DHRS4L2: variants seen among roughly 807,000 people sequenced by gnomAD.
DHRS4L2 encodes dehydrogenase/reductase 4 like 2.
Under a neutral mutation model 23.9 loss-of-function variants are expected in DHRS4L2, and 22 were observed. The ratio of observed to expected loss-of-function variants is 0.92; its 90% CI spans 0.66 to 1.31. The LOEUF (loss-of-function observed/expected upper bound fraction) is 1.31, where lower values mean the gene tolerates loss of function less well. Ranked by LOEUF, DHRS4L2 falls within the 40% of genes most tolerant of loss-of-function variation. DHRS4L2 has a pLI of 0.00. For synonymous variants in DHRS4L2, 141 were observed against 123.7 expected (o/e 1.14, Z -0.93); for missense variants, 385 against 303.3 (o/e 1.27, Z -2.00).
At chr14:24,004,599 G>A (rs75763182) in intron 7 of DHRS4L2, 48,854 of 839,894 alleles carry the variant, frequency 0.058, 3,452 homozygotes, top group Middle Eastern at 0.098. Context: ...CAGAGACATC[G>A]GGGTTTCAGC....
chr14:23,977,632 C>T lies in DHRS4L2; in HGVS notation c.-176+7300C>T, dbSNP rs762549123. Among the ~76,000 whole-genome samples the T allele has an allele frequency of 1.1e-4, 16 of 151,790 alleles. No individual in the cohort carries two copies. In the East Asian group the frequency reaches 1.5e-3, roughly 15 times the overall value. ...CTTGAGACGTGACTGTGATCTGAGTCGTATGTGGTTATAACTTCTGTTCTC... is the reference window on the plus strand; with the variant it reads ...CTTGAGACGTGACTGTGATCTGAGTTGTATGTGGTTATAACTTCTGTTCTC... On this transcript the variant is annotated intron_variant, in intron 1 of 5. Transcript: ENST00000534993.
Position 24,004,333 on chromosome 14 carries a change from A to G in DHRS4L2, c.666-4A>G, listed in dbSNP as rs190071680. The stretch of plus-strand genomic sequence containing the variant: ...ACATAAAGAGATTTCCCTTCTTCCT[A>G]CAGCTCTGGATGGACAAGGAAAAAG... On this transcript the variant is annotated splice_polypyrimidine_tract_variant and splice_region_variant and intron_variant, in intron 6 of 7. Coordinates refer to ENST00000335125, the MANE Select transcript of DHRS4L2 (RefSeq NM_198083.4). The G allele has an allele frequency of 4.2e-4, 664 of 1,598,622 alleles. 25 individuals carry two copies. In the South Asian group the frequency reaches 5.0e-3, roughly 12 times the overall value.
chr14:23,991,230 G>A (rs184430000), intron 2 of DHRS4L2, among the ~76,000 whole-genome samples: 1 of 151,742 alleles, frequency 6.6e-6, no homozygotes, highest in Admixed American at 6.6e-5. Context: ...ACAGAATAGG[G>A]TAATTCCATT....
At chr14:23,972,603 G>A (rs567558970) in intron 1 of DHRS4L2, among the ~76,000 whole-genome samples, 6 of 152,026 alleles carry the variant, frequency 3.9e-5, no homozygotes, top group South Asian at 2.1e-4. Context: ...ACACCTGTGG[G>A]TATTTCTAGT....
intron 1 of DHRS4L2, 22 bp from the exon 2 acceptor site, chr14:23,990,160 C>CTCTTT (rs1319825929): frequency 6.2e-7 from 1 of 1,612,112 alleles, no homozygotes; most frequent in East Asian, 2.2e-5. Context: ...CCTTAGCAGT[C>CTCTTT]TTTGTCTCTT....
intron 1 of DHRS4L2, among the ~76,000 whole-genome samples, chr14:23,981,667 A>C (rs1395534783): frequency 3.3e-5 from 5 of 151,722 alleles, no homozygotes; most frequent in East Asian, 3.9e-4. Context: ...TTCCCTCAGC[A>C]TTTATTAATT....
rs1175367581 is a variant in DHRS4L2, at chr14:24,006,164, C to G, written c.*301C>G. On this transcript the variant is annotated 3_prime_UTR_variant, in exon 8 of 8. Transcript: ENST00000335125. ...GCCTTCCCTGCCGTCAAGGTGGCGT[C>G]TTACTCGGGATTCCTGCTGTTGTTG... 1 of 1,337,074 alleles carries G rather than the reference C, an allele frequency of 7.5e-7. No homozygotes were observed. The highest frequency in any genetic ancestry group is 1.5e-5 in the African/African-American group (1 of 66,272). The allele number at this position is 1,337,074 out of a possible 1,614,324, so 82.8% of individuals were successfully genotyped here. A position where few individuals can be genotyped will look rare whatever the true frequency, so the allele number is the denominator to read the frequency against.
At chr14:23,995,165 G>C (rs61999854) in intron 3 of DHRS4L2, 32 bp downstream of exon 3, 1 of 1,606,278 alleles carries the variant, frequency 6.2e-7, no homozygotes, top group South Asian at 1.1e-5. Context: ...GCGGAAGGGG[G>C]CCTCGGGACA....
At chr14:23,997,959 C>T (rs2034414984) in intron 3 of DHRS4L2, among the ~76,000 whole-genome samples, 1 of 151,768 alleles carries the variant, frequency 6.6e-6, no homozygotes, top group East Asian at 1.9e-4. Context: ...CAGCTATAGC[C>T]TTACAAAATG....
At chr14:24,000,289 T>C (rs1486250656) in intron 3 of DHRS4L2, among the ~76,000 whole-genome samples, 1 of 149,582 alleles carries the variant, frequency 6.7e-6, no homozygotes, top group Non-Finnish European at 1.5e-5. Context: ...TTGTTTTAGA[T>C]TATGGATGTG....
intron 2 of DHRS4L2, among the ~76,000 whole-genome samples, chr14:23,991,695 A>C (rs55710556): frequency 0.022 from 3,372 of 151,356 alleles, 109 homozygotes; most frequent in Middle Eastern, 0.054. Context: ...ACTGCTGGGG[A>C]AGGGGCTGCA....
At chr14:23,989,587 C>T (rs1303597664) in intron 1 of DHRS4L2, among the ~76,000 whole-genome samples, 3 of 151,688 alleles carry the variant, frequency 2.0e-5, no homozygotes, top group South Asian at 4.2e-4. Context: ...TCACCCACCT[C>T]TCTTGTCAGT....
intron 2 of DHRS4L2, 116 bp from the exon 3 acceptor site, chr14:23,994,916 T>C (rs4982834): frequency 0.34 from 422,790 of 1,238,848 alleles, 76,360 homozygotes; most frequent in East Asian, 0.85. Context: ...CCCAAAGTGC[T>C]ATGATTACAG....
At chr14:23,990,889 C>G (rs1196047256) in intron 2 of DHRS4L2, 4 of 715,534 alleles carry the variant, frequency 5.6e-6, no homozygotes, top group African/African-American at 1.9e-5. Context: ...GGTCCCACAG[C>G]CAGTAAGGAA....
intron 1 of DHRS4L2, among the ~76,000 whole-genome samples, chr14:23,981,435 C>T (rs570770097): frequency 1.3e-5 from 2 of 151,576 alleles, no homozygotes; most frequent in South Asian, 4.2e-4. Flanking sequence ...ACTTTCTTCA[C>T]AAAATTGGAA....
At chr14:23,985,153 C>T (rs532807348), upstream of DHRS4L2, among the ~76,000 whole-genome samples, 21 of 151,578 alleles carry the variant, frequency 1.4e-4, no homozygotes, top group South Asian at 2.1e-4. Flanking sequence ...GGTGCAGAAG[C>T]GAGTTTGCCC....
chr14:23,994,321 G>A (rs1049998087), intron 2 of DHRS4L2, among the ~76,000 whole-genome samples: 2 of 151,610 alleles, frequency 1.3e-5, no homozygotes, highest in African/African-American at 4.8e-5. Context: ...GAATGAAGGA[G>A]CTTTCCAAAG....
intron 1 of DHRS4L2, among the ~76,000 whole-genome samples, chr14:23,970,919 T>C (rs967471972): frequency 1.3e-5 from 2 of 152,098 alleles, no homozygotes; most frequent in East Asian, 1.9e-4. Context: ...CAGAAAGGAA[T>C]AGCATCAACA....
chr14:23,988,127 A>G (rs531084256), upstream of DHRS4L2, among the ~76,000 whole-genome samples: 5 of 151,206 alleles, frequency 3.3e-5, no homozygotes, highest in African/African-American at 4.8e-5. Context: ...GTTCATAAAG[A>G]GATTTTGCAT....
Sources: allele counts gnomAD v4.1 joint callset (sites outside exome capture counted in the v4.1 genomes callset), GRCh38; gene constraint gnomAD v4.1.1; transcripts MANE v1.5; gene names NCBI Gene and HGNC (gene_info 2026-07-23, HGNC 2026-07-21).